ZPBP: variants seen among roughly 807,000 people sequenced by gnomAD.
ZPBP encodes zona pellucida-binding protein 1.
ZPBP carries 26 observed loss-of-function variants against 44.8 expected under a neutral mutation model. The ratio of observed to expected loss-of-function variants is 0.58; its 90% CI spans 0.43 to 0.81. The LOEUF (loss-of-function observed/expected upper bound fraction) is 0.81, where lower values mean the gene tolerates loss of function less well. Ranked by LOEUF, ZPBP falls within the 30% of genes least tolerant of loss-of-function variation. The pLI, the probability that ZPBP is intolerant of heterozygous loss-of-function variation, is 0.00. For missense variants in ZPBP, 409 were observed against 434.0 expected (o/e 0.94, Z 0.51); for synonymous variants, 174 against 153.2 (o/e 1.14, Z -1.00).
chr7:49,969,509 C>CAAAA (rs35476493), intron 7 of ZPBP, among the ~76,000 whole-genome samples: 1 of 138,496 alleles, frequency 7.2e-6, no homozygotes, highest in Non-Finnish European at 1.5e-5. Context: ...ATAGTATGGT[C>CAAAA]AAAAAAAAAA....
chr7:49,909,104 C>T (rs961265515), intron 1 of ZPBP, among the ~76,000 whole-genome samples: 1 of 152,046 alleles, frequency 6.6e-6, no homozygotes, highest in Admixed American at 6.6e-5. Flanking sequence ...CATTAAGGCA[C>T]ACAATAATTA....
Position 50,051,975 on chromosome 7 carries a change from TA to T in ZPBP, c.487+6013del, listed in dbSNP as rs562872314. Among the ~76,000 whole-genome samples, 617 of 151,580 alleles carry T rather than the reference TA, an allele frequency of 4.1e-3. 49 individuals are homozygous for T. The South Asian group carries it at 0.12, about 30-fold the overall frequency. On this transcript the variant is annotated intron_variant, in intron 4 of 7. Transcript: ENST00000046087. The stretch of plus-strand genomic sequence containing the variant: ...ACTTAAAATGAAAATAATTTTTTTT[TA>T]AAAAAAGGAAACCTACAAAACTTTT...
the ZPBP span, among the ~76,000 whole-genome samples, chr7:49,842,385 T>A: frequency 6.6e-6 from 1 of 152,212 alleles, no homozygotes; most frequent in East Asian, 1.9e-4. Flanking sequence ...ATTTTAATTT[T>A]ATTTTATTTT....
chr7:49,911,921 A>ACGCGCG (rs1417570229), intron 1 of ZPBP: 2 of 743,236 alleles, frequency 2.7e-6, no homozygotes, highest in Admixed American at 4.6e-5. Context: ...AAACAAATAC[A>ACGCGCG]CGCACACACA....
At chr7:49,965,612 T>G (rs1796027251) in intron 7 of ZPBP, among the ~76,000 whole-genome samples, 1 of 152,062 alleles carries the variant, frequency 6.6e-6, no homozygotes, top group Non-Finnish European at 1.5e-5. Context: ...AGTAAATACA[T>G]GAGAGTTTTT....
At chr7:49,970,362 A>G (rs1053480225) in intron 7 of ZPBP, among the ~76,000 whole-genome samples, 2 of 152,040 alleles carry the variant, frequency 1.3e-5, no homozygotes, top group African/African-American at 4.8e-5. Flanking sequence ...ATGAATGAAC[A>G]TTCAGAAAAA....
intron 6 of ZPBP, among the ~76,000 whole-genome samples, chr7:50,008,715 G>A (rs961081399): frequency 4.6e-5 from 7 of 151,972 alleles, no homozygotes; most frequent in East Asian, 1.9e-4. Context: ...ATAAGTCCTC[G>A]TATACATGGT....
chr7:49,949,245 C>T (rs1326254872), intron 7 of ZPBP, among the ~76,000 whole-genome samples: 10 of 152,022 alleles, frequency 6.6e-5, no homozygotes, highest in Admixed American at 6.6e-4. Context: ...GTTGTTTAAG[C>T]CACCCATTCT....
intron 1 of ZPBP, among the ~76,000 whole-genome samples, chr7:49,904,568 A>C (rs1240055287): frequency 6.6e-6 from 1 of 152,194 alleles, no homozygotes; most frequent in African/African-American, 2.4e-5. Context: ...AAATTTCAGT[A>C]ATTAAAATCT....
intron 1 of ZPBP, among the ~76,000 whole-genome samples, chr7:49,931,555 A>T (rs1794444009): frequency 6.6e-6 from 1 of 152,202 alleles, no homozygotes; most frequent in Non-Finnish European, 1.5e-5. Context: ...GAGATGATTT[A>T]CGGTACCCAG....
chr7:49,930,228 G>A (rs917360260), intron 1 of ZPBP, among the ~76,000 whole-genome samples: 6 of 152,106 alleles, frequency 3.9e-5, no homozygotes, highest in Non-Finnish European at 7.4e-5. Flanking sequence ...CCAGCTAAGG[G>A]GAACCACTGA....
intron 3 of ZPBP, among the ~76,000 whole-genome samples, chr7:50,066,337 A>G (rs1801502083): frequency 6.7e-6 from 1 of 150,218 alleles, no homozygotes; most frequent in Admixed American, 6.6e-5. Context: ...CATAACATAC[A>G]TATAGCTGAT....
intron 3 of ZPBP, among the ~76,000 whole-genome samples, chr7:50,062,450 G>T: frequency 6.6e-6 from 1 of 152,108 alleles, no homozygotes; most frequent in East Asian, 1.9e-4. Context: ...GTAACTAAAA[G>T]AGCATAGCAC....
At chr7:49,898,459 T>C (rs1168305455) in intron 2 of ZPBP, among the ~76,000 whole-genome samples, 1 of 152,126 alleles carries the variant, frequency 6.6e-6, no homozygotes, top group East Asian at 1.9e-4. Context: ...TAACCACAAA[T>C]CCCTCAATAT....
intron 7 of ZPBP, among the ~76,000 whole-genome samples, chr7:49,941,917 A>T (rs1259644450): frequency 6.6e-6 from 1 of 152,192 alleles, no homozygotes; most frequent in Non-Finnish European, 1.5e-5. Flanking sequence ...ACAGACATAC[A>T]GACTAATGGA....
chr7:49,859,788 GTGCACACACACACACACA>G (rs1325567449), intron 2 of ZPBP, among the ~76,000 whole-genome samples: 2,057 of 148,524 alleles, frequency 0.014, 54 homozygotes, highest in African/African-American at 0.049. Context: ...GTGCGCGTGC[GTGCACACACACACACACA>G]CACACACACA....
chr7:50,019,112 G>A (rs1254308167), intron 5 of ZPBP, among the ~76,000 whole-genome samples: 5 of 152,030 alleles, frequency 3.3e-5, no homozygotes, highest in Non-Finnish European at 7.4e-5. Flanking sequence ...ACTCCAATTT[G>A]TAAAACAAGG....
At chr7:49,907,644 T>C (rs1234025070) in intron 1 of ZPBP, among the ~76,000 whole-genome samples, 2 of 152,186 alleles carry the variant, frequency 1.3e-5, no homozygotes, top group East Asian at 1.9e-4. Flanking sequence ...CTTGGCTTTA[T>C]ACATTTTAGG....
intron 4 of ZPBP, among the ~76,000 whole-genome samples, chr7:50,043,757 A>G (rs1800208792): frequency 6.6e-6 from 1 of 152,196 alleles, no homozygotes; most frequent in South Asian, 2.1e-4. Flanking sequence ...AGACAGATCA[A>G]TGAGACAGAA....
Sources: gnomAD v4.1 joint callset for allele counts (sites outside exome capture counted in the v4.1 genomes callset) on GRCh38, gnomAD v4.1.1 for gene constraint, MANE v1.5 for transcripts, NCBI Gene and HGNC (gene_info 2026-07-23, HGNC 2026-07-21) for gene names.